Variants in KCNB2 observed in about 807,000 individuals in gnomAD.
The protein encoded by KCNB2 is potassium voltage-gated channel subfamily B member 2, also known as delayed rectifier potassium channel protein.
KCNB2 carries 15 observed loss-of-function variants against 61.5 expected under a neutral mutation model. That is an observed-to-expected ratio of 0.24 (90% confidence interval 0.16 to 0.38). The LOEUF is 0.38. Ranked by LOEUF, KCNB2 falls within the 10% of genes least tolerant of loss-of-function variation. The pLI is 1.00. For synonymous variants in KCNB2, 457 were observed against 446.0 expected, an observed-to-expected ratio of 1.02 and a Z score of -0.31; for missense variants, 828 against 1,125.2, an observed-to-expected ratio of 0.74 and a Z score of 3.78.
At chr8:72,586,576 C>T (rs1807003997) in intron 2 of KCNB2, among the ~76,000 whole-genome samples, 1 of 152,174 alleles carries the variant, frequency 6.6e-6, no homozygotes, top group African/African-American at 2.4e-5. Context: ...AACAGACAAG[C>T]ATTAATTGTC....
At chr8:72,930,949 T>C (rs1806769329) in intron 2 of KCNB2, among the ~76,000 whole-genome samples, 1 of 152,248 alleles carries the variant, frequency 6.6e-6, no homozygotes, top group Non-Finnish European at 1.5e-5. Flanking sequence ...TTTAAGTCTT[T>C]AATCCATCTT....
rs777095320 is a variant in KCNB2 at position 72,937,267 on chromosome 8, C to A, written c.1912C>A (p.Pro638Thr). Residue 638 changes from proline to threonine, a missense_variant, in exon 3 of 3, where the codon CCA becomes ACA. Physicochemically the swap from Pro to Thr is conservative, Grantham distance 38 (BLOSUM62 -1). This residue lies in a region of KCNB2 where 559 missense variants were observed against 588.4 expected (regional missense o/e 0.95). Transcript: ENST00000523207. Reference sequence around the variant, plus strand: ...GCAGATGAAGTTCCCAACCGACCTCCCAGGGACAGAAGAGCACCAAAGAGC... The same window carrying A: ...GCAGATGAAGTTCCCAACCGACCTCACAGGGACAGAAGAGCACCAAAGAGC... ...HLQMKFPTDL[P>T]GTEEHQRARG... 1.2e-6 allele frequency: 2 copies of A among 1,613,990 alleles called. No individual in the cohort carries two copies. The highest frequency in any genetic ancestry group is 3.3e-5 in the Admixed American group (2 of 60,030).
At chr8:72,538,942 C>T (rs1281090043) in intron 1 of KCNB2, among the ~76,000 whole-genome samples, 2 of 152,070 alleles carry the variant, frequency 1.3e-5, no homozygotes, top group Non-Finnish European at 2.9e-5. Context: ...AGATAGATTT[C>T]GGTCAAAAAT....
chr8:72,624,486 G>T (rs541219749), intron 2 of KCNB2, among the ~76,000 whole-genome samples: 1 of 152,048 alleles, frequency 6.6e-6, no homozygotes, highest in East Asian at 1.9e-4. Flanking sequence ...TCATAAGCCT[G>T]AGATGGCTTT....
chr8:72,933,416 C>T (rs1216132105), intron 2 of KCNB2, among the ~76,000 whole-genome samples: 1 of 152,196 alleles, frequency 6.6e-6, no homozygotes, highest in Non-Finnish European at 1.5e-5. Flanking sequence ...CTACTTCTCT[C>T]CTCTCTTTGA....
chr8:72,550,042 C>T (rs957865386), intron 1 of KCNB2, among the ~76,000 whole-genome samples: 2 of 152,212 alleles, frequency 1.3e-5, no homozygotes, highest in Non-Finnish European at 2.9e-5. Context: ...TGCTAGGTCT[C>T]TCTCTTCCTC....
chr8:72,699,295 A>G lies in KCNB2; in HGVS notation c.579+130982A>G, dbSNP rs556352261. Reference sequence around the variant, plus strand: ...TTTAATAATTGACATTCCGGCTGGTATGAGATGTTATCTCGTTGTGGTTTT... The same window carrying G: ...TTTAATAATTGACATTCCGGCTGGTGTGAGATGTTATCTCGTTGTGGTTTT... On this transcript the variant is annotated intron_variant, in intron 2 of 2. Coordinates refer to ENST00000523207, the MANE Select transcript of KCNB2 (RefSeq NM_004770.3). Among the ~76,000 whole-genome samples, 14 of 92,602 alleles carry G rather than the reference A, an allele frequency of 1.5e-4. No homozygotes were observed. The East Asian group carries it at 4.3e-3, about 28-fold the overall frequency. 60.8% of individuals were successfully genotyped at this position (92,602 alleles called of 152,430 possible).
intron 2 of KCNB2, among the ~76,000 whole-genome samples, chr8:72,849,382 C>T (rs550241953): frequency 4.6e-5 from 7 of 152,132 alleles, no homozygotes; most frequent in Non-Finnish European, 1.0e-4. Flanking sequence ...TGAAACTATA[C>T]ATGATAACTA....
chr8:72,865,936 C>T lies in KCNB2; in HGVS notation c.580-69999C>T, dbSNP rs149578730. Among the ~76,000 whole-genome samples, 134 of 152,284 alleles carry T rather than the reference C, an allele frequency of 8.8e-4. 1 individual carries two copies. The highest frequency in any genetic ancestry group is 1.4e-3 in the Non-Finnish European group (98 of 68,016). Reference sequence around the variant, plus strand: ...TCTGTTTGTGTGATACCATCTGTCTCTCACCCTATACTATGAGGTCCACAA... The same window carrying T: ...TCTGTTTGTGTGATACCATCTGTCTTTCACCCTATACTATGAGGTCCACAA... On this transcript the variant is annotated intron_variant, in intron 2 of 2. Transcript: ENST00000523207.
intron 2 of KCNB2, among the ~76,000 whole-genome samples, chr8:72,677,100 G>A (rs1001853961): frequency 1.4e-5 from 1 of 72,614 alleles, no homozygotes; most frequent in African/African-American, 8.9e-5. Context: ...GAGAAATTTG[G>A]ACACAGACGT....
chr8:72,915,993 C>G (rs1806391953), intron 2 of KCNB2, among the ~76,000 whole-genome samples: 1 of 152,036 alleles, frequency 6.6e-6, no homozygotes. Flanking sequence ...CATGAGTTTC[C>G]TTTTTCAACT....
At chr8:72,915,153 C>G (rs1336209649) in intron 2 of KCNB2, among the ~76,000 whole-genome samples, 1 of 151,956 alleles carries the variant, frequency 6.6e-6, no homozygotes, top group Non-Finnish European at 1.5e-5. Context: ...TGATCCGCCC[C>G]AAACTCCTGA....
chr8:72,573,858 C>T (rs980592985), intron 2 of KCNB2, among the ~76,000 whole-genome samples: 3 of 152,228 alleles, frequency 2.0e-5, no homozygotes, highest in African/African-American at 7.2e-5. Flanking sequence ...GGCTAATTAG[C>T]ATGCCAGTCA....
At chr8:72,842,805 G>T (rs1809915081) in intron 2 of KCNB2, among the ~76,000 whole-genome samples, 1 of 151,982 alleles carries the variant, frequency 6.6e-6, no homozygotes, top group Admixed American at 6.6e-5. Context: ...TTTTTATTGT[G>T]TCTATTTGAT....
intron 2 of KCNB2, among the ~76,000 whole-genome samples, chr8:72,573,442 A>T (rs1328612380): frequency 6.6e-6 from 1 of 152,242 alleles, no homozygotes; most frequent in Non-Finnish European, 1.5e-5. Context: ...AAGAAAATAT[A>T]ACAATAGGCA....
intron 2 of KCNB2, among the ~76,000 whole-genome samples, chr8:72,841,072 AT>A: frequency 6.6e-6 from 1 of 152,054 alleles, no homozygotes; most frequent in Non-Finnish European, 1.5e-5. Context: ...TCTTGAGTTA[AT>A]TTTTGTATAA....
intron 2 of KCNB2, among the ~76,000 whole-genome samples, chr8:72,821,653 A>AC: frequency 6.6e-6 from 1 of 150,628 alleles, no homozygotes; most frequent in Admixed American, 6.6e-5. Flanking sequence ...AAAAAAAAAA[A>AC]AAAAAAACAC....
chr8:72,711,005 G>A (rs571738092), intron 2 of KCNB2, among the ~76,000 whole-genome samples: 1 of 152,216 alleles, frequency 6.6e-6, no homozygotes, highest in African/African-American at 2.4e-5. Context: ...GGCAGTCTGT[G>A]ATGGCAAGGA....
intron 2 of KCNB2, among the ~76,000 whole-genome samples, chr8:72,704,807 G>A (rs1807192500): frequency 1.3e-5 from 2 of 152,078 alleles, no homozygotes; most frequent in African/African-American, 4.8e-5. Flanking sequence ...ATCTGCAGAT[G>A]CTCAAGTCCC....
Sources: gnomAD v4.1 joint callset for allele counts (sites outside exome capture counted in the v4.1 genomes callset) on GRCh38, gnomAD v4.1.1 for gene constraint, gnomAD v4.1.1 regional missense constraint, MANE v1.5 for transcripts, NCBI Gene and HGNC (gene_info 2026-07-23, HGNC 2026-07-21) for gene names.